Variants in TTC12 observed in about 807,000 individuals in gnomAD.
TTC12 encodes tetratricopeptide repeat domain 12, also known as tetratricopeptide repeat protein 12.
TTC12 carries 70 observed loss-of-function variants against 90.1 expected under a neutral mutation model. That is an observed-to-expected ratio of 0.78 (90% CI 0.64 to 0.95). The LOEUF is 0.95. TTC12 is among the 40% of genes least tolerant of loss of function. TTC12 has a pLI of 0.00. For missense variants in TTC12, 819 were observed against 846.1 expected (o/e 0.97, Z 0.40); for synonymous variants, 296 against 311.5 (o/e 0.95, Z 0.53).
chr11:113,333,040 C>G (rs2137964319), intron 7 of TTC12, among the ~76,000 whole-genome samples: 1 of 152,278 alleles, frequency 6.6e-6, no homozygotes, highest in Admixed American at 6.5e-5. Context: ...GGTCTCCTTA[C>G]TCATCTCTCA....
At chr11:113,360,231 C>G (rs1481288365) in intron 18 of TTC12, among the ~76,000 whole-genome samples, 1 of 152,124 alleles carries the variant, frequency 6.6e-6, no homozygotes, top group Non-Finnish European at 1.5e-5. Flanking sequence ...CTTGCTGTGT[C>G]CGTCATCTGT....
chr11:113,321,357 A>ACATACAGGTATT (rs1203343120), intron 2 of TTC12, among the ~76,000 whole-genome samples: 1 of 152,224 alleles, frequency 6.6e-6, no homozygotes, highest in African/African-American at 2.4e-5. Context: ...GGAAATATGT[A>ACATACAGGTATT]CATACAGGTA....
chr11:113,340,111 G>A (rs1258214439), intron 10 of TTC12, among the ~76,000 whole-genome samples: 2 of 152,176 alleles, frequency 1.3e-5, no homozygotes, highest in African/African-American at 4.8e-5. Context: ...GGGCCATACT[G>A]TTCTCTTTTA....
At chr11:113,344,214 GA>G in intron 12 of TTC12, 57 bp from the exon 13 acceptor site, 1 of 1,546,276 alleles carries the variant, frequency 6.5e-7, no homozygotes. Flanking sequence ...GAGGGTGACA[GA>G]GCTAGTTTAA....
chr11:113,352,308 G>A, intron 16 of TTC12, 101 bp downstream of exon 16: 1 of 1,491,074 alleles, frequency 6.7e-7, no homozygotes, highest in African/African-American at 1.4e-5. Flanking sequence ...TTCTGTGGGT[G>A]TTGGATGGCG....
intron 12 of TTC12, among the ~76,000 whole-genome samples, chr11:113,343,418 T>C (rs1250060133): frequency 6.6e-6 from 1 of 152,186 alleles, no homozygotes; most frequent in African/African-American, 2.4e-5. Context: ...AAGTATAGGA[T>C]TGAGATGTAA....
chr11:113,362,316 G>T, intron 18 of TTC12, 85 bp from the exon 19 acceptor site: 1 of 920,202 alleles, frequency 1.1e-6, no homozygotes, highest in Admixed American at 2.0e-5. Flanking sequence ...GATTGCTTTT[G>T]CCTCACCAAA....
At chr11:113,350,348 ACT>A (rs1949197643) in intron 14 of TTC12, among the ~76,000 whole-genome samples, 183 bp downstream of exon 14, 2 of 151,882 alleles carry the variant, frequency 1.3e-5, no homozygotes, top group African/African-American at 4.8e-5. Flanking sequence ...CATTCTAGTC[ACT>A]CTGCATAGAG....
intron 13 of TTC12, among the ~76,000 whole-genome samples, chr11:113,347,328 C>T (rs11214582): frequency 0.36 from 54,143 of 152,052 alleles, 11,320 homozygotes; most frequent in Non-Finnish European, 0.48. Context: ...CCCCACTCAG[C>T]ATAGATGTCC....
chr11:113,316,915 A>G (rs782680317), intron 2 of TTC12, among the ~76,000 whole-genome samples: 101 of 152,358 alleles, frequency 6.6e-4, no homozygotes, highest in Non-Finnish European at 1.3e-3. Flanking sequence ...AGCTTGCTTG[A>G]GTATAGAAAC....
rs992904317 is a variant in TTC12, at chr11:113,340,694, A to G, written c.857A>G (p.Asn286Ser). 23 of 1,614,044 alleles carry G rather than the reference A, an allele frequency of 1.4e-5. No individual in the cohort carries two copies. The highest frequency in any genetic ancestry group is 1.9e-5 in the Non-Finnish European group (23 of 1,179,990). ...CTEQTLFRMH[N>S]GFSIISDNEV... ...GAACAAACTTTATTCAGAATGCACA[A>G]TGGATTTAGTATCATCAGTGACAAC... Residue 286 changes from asparagine (N) to serine (S), a missense_variant, in exon 11 of 22, where the codon AAT (asparagine) becomes AGT (serine). Transcript: ENST00000529221.
intron 19 of TTC12, among the ~76,000 whole-genome samples, chr11:113,363,408 G>T (rs1180810769): frequency 1.3e-5 from 2 of 152,222 alleles, no homozygotes; most frequent in Non-Finnish European, 2.9e-5. Flanking sequence ...AATGATGTAG[G>T]TTCCTGAAGT....
At chr11:113,363,012 C>T (rs973385491) in intron 19 of TTC12, among the ~76,000 whole-genome samples, 1 of 152,094 alleles carries the variant, frequency 6.6e-6, no homozygotes, top group Non-Finnish European at 1.5e-5. Context: ...TATCTGGATT[C>T]ACCTGCAAGG....
Position 113,324,253 on chromosome 11 carries a change from A to G in TTC12, c.244+238A>G, listed in dbSNP as rs1398422481. 4.2e-5 allele frequency: 23 copies of G among 542,536 alleles called. 1 individual carries two copies. The South Asian group carries it at 6.3e-4, about 15-fold the overall frequency. 33.6% of individuals were successfully genotyped at this position (542,536 alleles called of 1,614,324 possible). A position where few individuals can be genotyped will look rare whatever the true frequency, so the allele number is the denominator to read the frequency against. ...CAATTCAGTTATTCTGTATCATCCA[A>G]TTTACCCTGTTCAAGGGATCCAGAT... On this transcript the variant is annotated intron_variant, in intron 4 of 21. Transcript: ENST00000529221.
intron 2 of TTC12, among the ~76,000 whole-genome samples, chr11:113,320,970 G>C (rs552235957): frequency 6.6e-6 from 1 of 152,048 alleles, no homozygotes; most frequent in South Asian, 2.1e-4. Flanking sequence ...TTGAGCCCAG[G>C]GGTTCAAATC....
chr11:113,363,942 C>G lies in TTC12; in HGVS notation c.1816+15C>G. On this transcript the variant is annotated intron_variant, in intron 20 of 21. Coordinates refer to ENST00000529221, the MANE Select transcript of TTC12 (RefSeq NM_017868.4). Reference sequence around the variant, plus strand: ...ACTGGATAAAAGTAAGTGATGATTTCCTTAAGGGAGCCCTTGTCCCAGAGG... The same window carrying G: ...ACTGGATAAAAGTAAGTGATGATTTGCTTAAGGGAGCCCTTGTCCCAGAGG... 2 of 1,576,994 alleles carry G rather than the reference C, an allele frequency of 1.3e-6. No homozygotes were observed. The highest frequency in any genetic ancestry group is 1.3e-5 in the African/African-American group (1 of 74,216).
downstream of TTC12, chr11:113,368,693 T>A (rs1950294677): frequency 1.6e-6 from 1 of 609,570 alleles, no homozygotes; most frequent in Admixed American, 2.8e-5. Flanking sequence ...AGGAAGGGGC[T>A]GAGATGCTGC....
rs781846240 is a variant in TTC12 at position 113,339,460 on chromosome 11, A to T, written c.812A>T (p.Glu271Val). 19 of 1,611,016 alleles carry T rather than the reference A, an allele frequency of 1.2e-5. 1 individual carries two copies. In the East Asian group the frequency reaches 1.6e-4, roughly 13 times the overall value. ...GCTGGGGGGATTGAGATCCTGACTG[A>T]AATGATAAATGAGTGTAAGCCAGAG... ...FYAGGIEILT[E>V]MINECTEQTL... Residue 271 changes from glutamate to valine, a missense_variant, in exon 10 of 22, where the codon GAA becomes GTA. Glu to Val is a moderately radical substitution (Grantham distance 121, BLOSUM62 -2). Transcript: ENST00000529221.
At chr11:113,369,385 T>C (rs987917290), downstream of TTC12, among the ~76,000 whole-genome samples, 9 of 151,980 alleles carry the variant, frequency 5.9e-5, no homozygotes, top group African/African-American at 2.2e-4. Context: ...CCTCCCAAAG[T>C]GCTGGGATTA....
Sources: allele counts gnomAD v4.1 joint callset (sites outside exome capture counted in the v4.1 genomes callset), GRCh38; gene constraint gnomAD v4.1.1; transcripts MANE v1.5; gene names NCBI Gene and HGNC (gene_info 2026-07-23, HGNC 2026-07-21).